Variants in PTPRD observed in about 807,000 individuals in gnomAD.
PTPRD encodes the protein protein tyrosine phosphatase receptor type D, also known as receptor-type tyrosine-protein phosphatase delta.
PTPRD carries 34 observed loss-of-function variants against 214.5 expected under a neutral mutation model. That is an observed-to-expected ratio of 0.16 (90% CI 0.12 to 0.21). The LOEUF (loss-of-function observed/expected upper bound fraction) is 0.21. Among genes scored for constraint, PTPRD ranks in the 10% least tolerant of loss-of-function variants. PTPRD has a pLI of 1.00. For missense variants in PTPRD, 2,545 were observed against 2,398.7 expected (o/e 1.06, Z -1.27); for synonymous variants, 1,128 against 845.7 (o/e 1.33, Z -5.79).
chr9:8,330,440 CCCTTTATTGTGGTAAT>C (rs1309960362), intron 44 of PTPRD, among the ~76,000 whole-genome samples: 7 of 152,104 alleles, frequency 4.6e-5, no homozygotes, highest in African/African-American at 1.7e-4. Flanking sequence ...ATGTGTGACT[CCCTTTATTGTGGTAAT>C]CTGGAACTAA....
chr9:8,674,721 G>A (rs2097365239), intron 12 of PTPRD, among the ~76,000 whole-genome samples: 1 of 152,004 alleles, frequency 6.6e-6, no homozygotes, highest in South Asian at 2.1e-4. Context: ...GGCTCCCCTG[G>A]GCTAGATTAT....
chr9:8,507,962 G>A (rs1057467929), intron 21 of PTPRD, among the ~76,000 whole-genome samples: 3 of 151,866 alleles, frequency 2.0e-5, no homozygotes, highest in Non-Finnish European at 2.9e-5. Context: ...TTTCTTACCA[G>A]CCCACATTTT....
At chr9:10,132,122 C>G (rs1199624233) in intron 3 of PTPRD, among the ~76,000 whole-genome samples, 1 of 151,980 alleles carries the variant, frequency 6.6e-6, no homozygotes, top group Non-Finnish European at 1.5e-5. Context: ...GCAGTTACTA[C>G]TGGTAATGAT....
At chr9:8,630,015 T>C (rs548500683) in intron 14 of PTPRD, among the ~76,000 whole-genome samples, 1 of 151,932 alleles carries the variant, frequency 6.6e-6, no homozygotes, top group East Asian at 1.9e-4. Flanking sequence ...GTCTTCTTCA[T>C]TAACCATACA....
At chr9:8,539,384 T>G (rs1207085992) in intron 14 of PTPRD, among the ~76,000 whole-genome samples, 1 of 151,946 alleles carries the variant, frequency 6.6e-6, no homozygotes. Context: ...TGATATTAAT[T>G]TAGAAAATAA....
intron 2 of PTPRD, among the ~76,000 whole-genome samples, chr9:10,483,524 G>A (rs1004278159): frequency 4.0e-5 from 6 of 151,814 alleles, no homozygotes; most frequent in Non-Finnish European, 5.9e-5. Flanking sequence ...TGTCAACTCT[G>A]CACCTGACAA....
intron 9 of PTPRD, among the ~76,000 whole-genome samples, chr9:9,301,637 T>A (rs1955348901): frequency 6.6e-6 from 1 of 151,958 alleles, no homozygotes; most frequent in African/African-American, 2.4e-5. Flanking sequence ...AGCCGACTTT[T>A]GATGGAACAC....
intron 9 of PTPRD, among the ~76,000 whole-genome samples, chr9:9,222,042 C>G (rs147384492): frequency 6.6e-6 from 1 of 151,994 alleles, no homozygotes; most frequent in Non-Finnish European, 1.5e-5. Flanking sequence ...TAATTTTGTC[C>G]ATTGTGTTGG....
intron 11 of PTPRD, among the ~76,000 whole-genome samples, chr9:9,014,962 G>C (rs2099528381): frequency 6.6e-6 from 1 of 152,014 alleles, no homozygotes; most frequent in African/African-American, 2.4e-5. Flanking sequence ...GTGTGTGTAG[G>C]TATGTCTGTG....
intron 11 of PTPRD, among the ~76,000 whole-genome samples, chr9:8,929,755 A>ATGTGTATATATATG (rs1555536588): frequency 1.7e-5 from 1 of 58,080 alleles, no homozygotes; most frequent in Non-Finnish European, 3.5e-5. Flanking sequence ...GTATATATAT[A>ATGTGTATATATATG]TGTATATATA....
chr9:10,056,047 G>T (rs1019879214), intron 3 of PTPRD, among the ~76,000 whole-genome samples: 1 of 147,336 alleles, frequency 6.8e-6, no homozygotes, highest in African/African-American at 2.7e-5. Flanking sequence ...AAAGAGCCGG[G>T]CGCAGTGGCT....
intron 11 of PTPRD, among the ~76,000 whole-genome samples, chr9:8,970,827 A>C (rs1013175511): frequency 2.0e-5 from 3 of 151,840 alleles, no homozygotes; most frequent in African/African-American, 7.2e-5. Flanking sequence ...TAAAAGATGC[A>C]ATACAGGTAG....
chr9:10,039,719 A>T (rs1329739555), intron 3 of PTPRD, among the ~76,000 whole-genome samples: 1 of 114,118 alleles, frequency 8.8e-6, no homozygotes, highest in Admixed American at 8.5e-5. Context: ...ATGAATTCTA[A>T]GACTTTTTTT....
intron 11 of PTPRD, among the ~76,000 whole-genome samples, chr9:8,809,144 G>A (rs182846113): frequency 1.3e-4 from 20 of 152,134 alleles, no homozygotes; most frequent in Admixed American, 9.2e-4. Context: ...GCCCATTCCA[G>A]CATCCTATAC....
intron 3 of PTPRD, among the ~76,000 whole-genome samples, chr9:10,102,312 T>C (rs906863803): frequency 6.6e-6 from 1 of 151,736 alleles, no homozygotes; most frequent in East Asian, 2.0e-4. Flanking sequence ...GGTATTGAAT[T>C]TGATGAAACA....
At chr9:10,071,857 A>G (rs2098025164) in intron 3 of PTPRD, among the ~76,000 whole-genome samples, 1 of 152,062 alleles carries the variant, frequency 6.6e-6, no homozygotes, top group Non-Finnish European at 1.5e-5. Flanking sequence ...TTATAAAATG[A>G]ACAAGCTGAT....
At chr9:8,321,785 C>G (rs1261127457) in intron 44 of PTPRD, among the ~76,000 whole-genome samples, 4 of 151,584 alleles carry the variant, frequency 2.6e-5, no homozygotes, top group Admixed American at 2.6e-4. Flanking sequence ...CCAATATATA[C>G]CATCTACTTT....
intron 2 of PTPRD, among the ~76,000 whole-genome samples, chr9:10,420,824 G>C (rs1450226894): frequency 6.6e-6 from 1 of 151,690 alleles, no homozygotes; most frequent in Non-Finnish European, 1.5e-5. Context: ...TATACTGTCA[G>C]AGTTAGGTAC....
At chr9:8,786,033 T>TTG (rs34200290) in intron 11 of PTPRD, among the ~76,000 whole-genome samples, 2,352 of 143,262 alleles carry the variant, frequency 0.016, 23 homozygotes, top group Middle Eastern at 0.054. Flanking sequence ...GCTTAATTTG[T>TTG]TGTGTGTGTG....
Sources: allele counts gnomAD v4.1 joint callset (sites outside exome capture counted in the v4.1 genomes callset), GRCh38; gene constraint gnomAD v4.1.1; transcripts MANE v1.5; gene names NCBI Gene and HGNC (gene_info 2026-07-23, HGNC 2026-07-21).